Variants in CNTN6 observed in about 807,000 individuals in gnomAD.
CNTN6 encodes contactin 6, also known as contactin-6.
CNTN6 carries 137 observed loss-of-function variants against 122.8 expected under a neutral mutation model. The observed-to-expected ratio is 1.12, with a 90% CI of 0.97 to 1.29. CNTN6 has a LOEUF of 1.29. Among genes scored for constraint, CNTN6 ranks in the 50% most tolerant of loss-of-function variants. CNTN6 has a pLI of 0.00. For synonymous variants in CNTN6, 570 were observed against 426.0 expected (o/e 1.34, Z -4.16); for missense variants, 1,634 against 1,223.4 (o/e 1.34, Z -5.01).
intron 2 of CNTN6, among the ~76,000 whole-genome samples, chr3:1,161,616 C>T (rs1286280340): frequency 6.6e-6 from 1 of 151,748 alleles, no homozygotes; most frequent in East Asian, 1.9e-4. Context: ...TAACTGCTAG[C>T]ATGCTGCTCT....
intron 17 of CNTN6, 139 bp from the exon 18 acceptor site, chr3:1,382,803 T>A: frequency 1.7e-6 from 1 of 590,474 alleles, no homozygotes; most frequent in Non-Finnish European, 2.9e-6. Context: ...CAAATAAAAG[T>A]GTTTTTTAAT....
At chr3:1,241,847 T>C (rs1170181125) in intron 4 of CNTN6, among the ~76,000 whole-genome samples, 1 of 152,212 alleles carries the variant, frequency 6.6e-6, no homozygotes, top group Non-Finnish European at 1.5e-5. Context: ...ATAAAGTTTG[T>C]GATTTTGAAG....
At chr3:1,099,279 G>A (rs1026266294) in intron 1 of CNTN6, among the ~76,000 whole-genome samples, 9 of 151,762 alleles carry the variant, frequency 5.9e-5, no homozygotes, top group Admixed American at 1.3e-4. Flanking sequence ...GTGAAACCCC[G>A]TCTCTACCAA....
intron 4 of CNTN6, among the ~76,000 whole-genome samples, chr3:1,253,909 T>A (rs548463386): frequency 6.6e-6 from 1 of 152,292 alleles, no homozygotes; most frequent in East Asian, 1.9e-4. Flanking sequence ...AAAACAACCA[T>A]AAGTCTATTA....
intron 1 of CNTN6, among the ~76,000 whole-genome samples, chr3:1,131,963 T>C (rs2092347601): frequency 6.6e-6 from 1 of 152,042 alleles, no homozygotes; most frequent in South Asian, 2.1e-4. Context: ...AGGAACAATA[T>C]TGTGCCAAAA....
At position 1,261,473 on chromosome 3, in the gene CNTN6, T is replaced by C. The variant is rs556408492; in HGVS notation, c.359-16940T>C. ...CAAGGAAACTGGGACATTTACTCAT[T>C]ACCTTCTGTACCTCATTGGTTAAGG... On this transcript the variant is annotated intron_variant, in intron 4 of 22. Coordinates refer to ENST00000446702, the MANE Select transcript of CNTN6 (RefSeq NM_001289080.2). Among the ~76,000 whole-genome samples the C allele has an allele frequency of 8.5e-5, 13 of 152,256 alleles. 2 individuals are homozygous for C. The South Asian group carries it at 1.9e-3, about 22-fold the overall frequency.
chr3:1,159,037 A>C (rs1575065160), intron 2 of CNTN6, among the ~76,000 whole-genome samples: 1 of 149,526 alleles, frequency 6.7e-6, no homozygotes, highest in African/African-American at 2.5e-5. Context: ...CCTTTTGCTT[A>C]AGACTCCCAA....
intron 3 of CNTN6, among the ~76,000 whole-genome samples, chr3:1,222,827 G>C (rs1349166145): frequency 6.6e-6 from 1 of 151,920 alleles, no homozygotes; most frequent in East Asian, 1.9e-4. Context: ...GTGCTTATTA[G>C]TTATTTTTCC....
At chr3:1,293,767 C>T (rs576742438) in intron 5 of CNTN6, among the ~76,000 whole-genome samples, 1 of 152,216 alleles carries the variant, frequency 6.6e-6, no homozygotes, top group Admixed American at 6.5e-5. Context: ...CTATATACTC[C>T]ACCTATTTTG....
At position 1,202,114 on chromosome 3, in the gene CNTN6, G is replaced by T. The variant is rs530235293; in HGVS notation, c.56-18573G>T. 9.2e-5 allele frequency among the ~76,000 whole-genome samples: 14 copies of T among 152,252 alleles called. No individual in the cohort carries two copies. In the South Asian group the frequency reaches 2.9e-3, roughly 32 times the overall value. ...CTGCATTTTCTTGCCAGTTCATGTC[G>T]CTGGGGAGTGTCACTTATTTCTCTT... On this transcript the variant is annotated intron_variant, in intron 2 of 22. Transcript: ENST00000446702.
At chr3:1,268,580 C>A (rs1423059850) in intron 4 of CNTN6, among the ~76,000 whole-genome samples, 3 of 126,724 alleles carry the variant, frequency 2.4e-5, no homozygotes, top group African/African-American at 9.9e-5. Flanking sequence ...GCACTCCAGC[C>A]TGGGCGACAG....
At chr3:1,144,515 G>T (rs551623628) in intron 1 of CNTN6, among the ~76,000 whole-genome samples, 1 of 151,910 alleles carries the variant, frequency 6.6e-6, no homozygotes, top group Admixed American at 6.6e-5. Flanking sequence ...GCAGAGGTTG[G>T]AGTGAGCCAA....
chr3:1,267,491 TC>T (rs1261647289), intron 4 of CNTN6, among the ~76,000 whole-genome samples: 1 of 152,042 alleles, frequency 6.6e-6, no homozygotes, highest in East Asian at 1.9e-4. Context: ...AATTAAGAGG[TC>T]CCCGGCTCCT....
intron 2 of CNTN6, among the ~76,000 whole-genome samples, chr3:1,171,116 C>G (rs1048227995): frequency 1.8e-4 from 27 of 152,192 alleles, no homozygotes; most frequent in African/African-American, 6.0e-4. Context: ...GACTCCAACA[C>G]TGGGAAATTT....
At chr3:1,195,829 G>C (rs1296785572) in intron 2 of CNTN6, among the ~76,000 whole-genome samples, 1 of 151,766 alleles carries the variant, frequency 6.6e-6, no homozygotes, top group Non-Finnish European at 1.5e-5. Context: ...CTACATTTTT[G>C]GGACACATCA....
At chr3:1,264,246 C>T (rs967043195) in intron 4 of CNTN6, among the ~76,000 whole-genome samples, 5 of 152,124 alleles carry the variant, frequency 3.3e-5, no homozygotes, top group African/African-American at 9.7e-5. Flanking sequence ...AACCTGTACA[C>T]ATTTTGTGGA....
At chr3:1,384,653 T>G (rs1261243551) in intron 19 of CNTN6, among the ~76,000 whole-genome samples, 1 of 142,244 alleles carries the variant, frequency 7.0e-6, no homozygotes, top group Non-Finnish European at 1.5e-5. Context: ...ATCCTAAACA[T>G]TCTTAATTTT....
intron 1 of CNTN6, among the ~76,000 whole-genome samples, chr3:1,143,701 C>A (rs1394177): frequency 3.3e-5 from 5 of 152,076 alleles, no homozygotes; most frequent in African/African-American, 9.7e-5. Context: ...AATGGCAACC[C>A]ATGCATAAAT....
intron 5 of CNTN6, among the ~76,000 whole-genome samples, chr3:1,292,921 A>C (rs1449843864): frequency 1.3e-5 from 2 of 152,026 alleles, no homozygotes; most frequent in Non-Finnish European, 2.9e-5. Context: ...ACACACACAA[A>C]GTTCCCACAC....
Sources: allele counts gnomAD v4.1 joint callset (sites outside exome capture counted in the v4.1 genomes callset), GRCh38; gene constraint gnomAD v4.1.1; transcripts MANE v1.5; gene names NCBI Gene and HGNC (gene_info 2026-07-23, HGNC 2026-07-21).